CSGALNACT1: variants seen among roughly 807,000 people sequenced by gnomAD.
CSGALNACT1 encodes chondroitin sulfate N-acetylgalactosaminyltransferase 1.
A neutral mutation model predicts 51.0 loss-of-function variants in CSGALNACT1; 52 were observed. That is an observed-to-expected ratio of 1.02 (90% CI 0.82 to 1.29). CSGALNACT1 has a LOEUF of 1.29. Ranked by LOEUF, CSGALNACT1 falls within the 50% of genes most tolerant of loss-of-function variation. The pLI is 0.00. For synonymous variants in CSGALNACT1, 341 were observed against 254.4 expected (o/e 1.34, Z -3.24); for missense variants, 935 against 679.2 (o/e 1.38, Z -4.19).
chr8:19,513,390 C>T, intron 3 of CSGALNACT1, among the ~76,000 whole-genome samples: 1 of 141,304 alleles, frequency 7.1e-6, no homozygotes, highest in Non-Finnish European at 1.5e-5. Context: ...CCAGTACATT[C>T]TGTTCATAGA....
intron 1 of CSGALNACT1, among the ~76,000 whole-genome samples, chr8:19,732,726 T>C (rs188825986): frequency 6.6e-6 from 1 of 152,382 alleles, no homozygotes; most frequent in East Asian, 1.9e-4. Flanking sequence ...TATGGATCTT[T>C]ATAAATTACG....
chr8:19,560,206 A>T (rs1427397000), intron 3 of CSGALNACT1, among the ~76,000 whole-genome samples: 1 of 152,202 alleles, frequency 6.6e-6, no homozygotes, highest in African/African-American at 2.4e-5. Flanking sequence ...AAAAAAATTC[A>T]TTTCAATCTT....
intron 4 of CSGALNACT1, among the ~76,000 whole-genome samples, chr8:19,472,070 C>G (rs568838598): frequency 6.6e-6 from 1 of 152,338 alleles, no homozygotes; most frequent in Admixed American, 6.5e-5. Context: ...TTAGAAATTA[C>G]ACTTGCAGGA....
intron 3 of CSGALNACT1, among the ~76,000 whole-genome samples, chr8:19,508,595 T>C (rs1384738735): frequency 6.6e-6 from 1 of 152,070 alleles, no homozygotes; most frequent in Non-Finnish European, 1.5e-5. Flanking sequence ...AAACTCATTA[T>C]ATCCAAGAAT....
chr8:19,646,651 G>C (rs1386975472), intron 1 of CSGALNACT1, among the ~76,000 whole-genome samples: 1 of 152,140 alleles, frequency 6.6e-6, no homozygotes, highest in African/African-American at 2.4e-5. Flanking sequence ...ATGAATCTCA[G>C]TGTTGCCCCC....
In CSGALNACT1 at chr8:19,571,760, A is replaced by C. The variant is rs566380328; in HGVS notation, c.-297+19400T>G. 3.3e-5 allele frequency among the ~76,000 whole-genome samples: 5 copies of C among 152,354 alleles called. No homozygotes were observed. In the East Asian group the frequency reaches 9.6e-4, roughly 29 times the overall value. On this transcript the variant is annotated intron_variant, in intron 3 of 9. Coordinates refer to ENST00000454498, the Ensembl canonical transcript of CSGALNACT1. Reference sequence around the variant, plus strand: ...CAGCCACTGACTTTTCAGAGCTTTAAAGCAAACCTACAGTCCCTCAGCAAA... The same window carrying C: ...CAGCCACTGACTTTTCAGAGCTTTACAGCAAACCTACAGTCCCTCAGCAAA...
chr8:19,632,771 T>C (rs1370019685), intron 1 of CSGALNACT1, among the ~76,000 whole-genome samples: 1 of 152,110 alleles, frequency 6.6e-6, no homozygotes, highest in Non-Finnish European at 1.5e-5. Context: ...CTTTTACTTT[T>C]ATTTGACACA....
chr8:19,732,926 C>G (rs1006164928), intron 1 of CSGALNACT1, among the ~76,000 whole-genome samples: 7 of 152,070 alleles, frequency 4.6e-5, no homozygotes, highest in African/African-American at 1.7e-4. Flanking sequence ...AAAAGTAGAA[C>G]ATGTCAATGT....
chr8:19,668,390 T>C (rs1348993999), intron 1 of CSGALNACT1, among the ~76,000 whole-genome samples: 1 of 152,096 alleles, frequency 6.6e-6, no homozygotes, highest in African/African-American at 2.4e-5. Context: ...TCATTCCACA[T>C]GAGCCTTTGT....
chr8:19,666,941 GAAAAAGAAAGAA>G (rs2059315378), intron 1 of CSGALNACT1, among the ~76,000 whole-genome samples: 8 of 114,494 alleles, frequency 7.0e-5, no homozygotes, highest in Non-Finnish European at 1.1e-4. Flanking sequence ...GAGAGAGAGA[GAAAAAGAAAGAA>G]AGAAAGAAAG....
chr8:19,535,292 C>T (rs2083525271), intron 3 of CSGALNACT1, among the ~76,000 whole-genome samples: 1 of 152,118 alleles, frequency 6.6e-6, no homozygotes, highest in Non-Finnish European at 1.5e-5. Flanking sequence ...TCTTCTAGCA[C>T]CTCAAAGAAG....
At chr8:19,510,015 A>G (rs2078165177) in intron 3 of CSGALNACT1, among the ~76,000 whole-genome samples, 1 of 151,832 alleles carries the variant, frequency 6.6e-6, no homozygotes, top group Non-Finnish European at 1.5e-5. Flanking sequence ...AAATTTTAGG[A>G]CCCCTGGAAG....
At chr8:19,709,685 T>G (rs1435151607) in intron 1 of CSGALNACT1, among the ~76,000 whole-genome samples, 1 of 152,202 alleles carries the variant, frequency 6.6e-6, no homozygotes, top group African/African-American at 2.4e-5. Flanking sequence ...CTCAGTGGTA[T>G]CACCACGAGG....
intron 3 of CSGALNACT1, among the ~76,000 whole-genome samples, chr8:19,528,878 AG>A (rs1380650521): frequency 6.6e-6 from 1 of 152,244 alleles, no homozygotes; most frequent in East Asian, 1.9e-4. Flanking sequence ...CGCTAAGGCT[AG>A]GATGGTAGTT....
chr8:19,582,366 C>T (rs2154123186), intron 3 of CSGALNACT1, among the ~76,000 whole-genome samples: 1 of 152,282 alleles, frequency 6.6e-6, no homozygotes, highest in South Asian at 2.1e-4. Context: ...TGTACATTAG[C>T]AAAACTGTAT....
intron 1 of CSGALNACT1, among the ~76,000 whole-genome samples, chr8:19,692,340 C>T (rs2154216183): frequency 6.6e-6 from 1 of 152,340 alleles, no homozygotes; most frequent in Non-Finnish European, 1.5e-5. Context: ...TTCTAATTCA[C>T]ACTAAAGTTG....
intron 1 of CSGALNACT1, among the ~76,000 whole-genome samples, chr8:19,672,219 C>G (rs532014385): frequency 6.6e-6 from 1 of 152,286 alleles, no homozygotes; most frequent in Admixed American, 6.5e-5. Context: ...TTCGGCTTTC[C>G]CATCTCTCCA....
At chr8:19,647,144 C>T (rs2057352718) in intron 1 of CSGALNACT1, among the ~76,000 whole-genome samples, 2 of 152,260 alleles carry the variant, frequency 1.3e-5, no homozygotes, top group African/African-American at 4.8e-5. Flanking sequence ...GCCTTCCTAT[C>T]AGGCTGGGAG....
intron 1 of CSGALNACT1, among the ~76,000 whole-genome samples, chr8:19,680,316 G>T (rs1377041485): frequency 5.3e-5 from 8 of 152,208 alleles, no homozygotes; most frequent in Non-Finnish European, 1.2e-4. Context: ...AGCGCTTTGG[G>T]AGGCCAAGGC....
Sources: gnomAD v4.1 joint callset for allele counts (sites outside exome capture counted in the v4.1 genomes callset) on GRCh38, gnomAD v4.1.1 for gene constraint, MANE v1.5 for transcripts, NCBI Gene and HGNC (gene_info 2026-07-23, HGNC 2026-07-21) for gene names.